Variants in EVI5 observed in about 807,000 individuals in gnomAD.
EVI5 encodes ecotropic viral integration site 5.
In EVI5, 73 loss-of-function variants were observed where a neutral mutation model predicts 112.0. That is an observed-to-expected ratio of 0.65 (90% CI 0.54 to 0.79). EVI5 has a LOEUF of 0.79. Among genes scored for constraint, EVI5 ranks in the 30% least tolerant of loss-of-function variants. The pLI is 0.00. For missense variants in EVI5, 900 were observed against 968.8 expected (o/e 0.93, Z 0.94); for synonymous variants, 305 against 319.9 (o/e 0.95, Z 0.50).
intron 13 of EVI5, among the ~76,000 whole-genome samples, chr1:92,653,183 A>G (rs1662430226): frequency 1.3e-5 from 2 of 152,206 alleles, no homozygotes; most frequent in Non-Finnish European, 2.9e-5. Context: ...AGGGAACCTC[A>G]GCCTTTGTGT....
chr1:92,603,882 A>G (rs1649757504), intron 18 of EVI5, among the ~76,000 whole-genome samples: 1 of 151,912 alleles, frequency 6.6e-6, no homozygotes. Flanking sequence ...CTATAGGTGC[A>G]CCACCAGGTC....
intron 11 of EVI5, among the ~76,000 whole-genome samples, chr1:92,664,402 T>C (rs1401885550): frequency 6.6e-6 from 1 of 151,914 alleles, no homozygotes; most frequent in East Asian, 1.9e-4. Context: ...AACTTAACAC[T>C]TTCTTACAGC....
intron 2 of EVI5, among the ~76,000 whole-genome samples, chr1:92,725,927 A>C (rs1284528324): frequency 1.3e-5 from 2 of 152,194 alleles, no homozygotes; most frequent in Non-Finnish European, 2.9e-5. Context: ...TCTAGCTTCT[A>C]AAGATAAAAC....
intron 1 of EVI5, among the ~76,000 whole-genome samples, chr1:92,781,988 C>T (rs995411824): frequency 3.6e-5 from 5 of 139,128 alleles, no homozygotes; most frequent in Admixed American, 7.5e-5. Flanking sequence ...AGGCCAGGCA[C>T]GGTGGCTCAC....
chr1:92,563,524 A>C (rs1007111827), intron 19 of EVI5, 118 bp downstream of exon 19: 8 of 515,050 alleles, frequency 1.6e-5, no homozygotes, highest in South Asian at 4.1e-5. Context: ...AATTATAACC[A>C]ATAATTCACA....
chr1:92,593,682 G>A lies in EVI5; in HGVS notation c.2070+11625C>T, dbSNP rs531267648. Among the ~76,000 whole-genome samples the A allele has an allele frequency of 4.6e-4, 70 of 152,248 alleles. 1 individual carries two copies. Among genetic ancestry groups the A allele is most frequent in the African/African-American group, 1.5e-3 (64 of 41,526 alleles). Reference sequence around the variant, plus strand: ...ATATCTAGAAAACCCCATCGTCTCAGCCCAAAATCTCCTTAAGCTGATAAG... The same window carrying A: ...ATATCTAGAAAACCCCATCGTCTCAACCCAAAATCTCCTTAAGCTGATAAG... On this transcript the variant is annotated intron_variant, in intron 18 of 19. Transcript: ENST00000684568.
At chr1:92,553,448 G>A (rs1446089639) in intron 19 of EVI5, among the ~76,000 whole-genome samples, 4 of 151,832 alleles carry the variant, frequency 2.6e-5, no homozygotes, top group African/African-American at 4.8e-5. Context: ...GATTACAGGC[G>A]TGCACCACCA....
At chr1:92,779,679 G>T (rs1258970285) in intron 1 of EVI5, among the ~76,000 whole-genome samples, 1 of 152,118 alleles carries the variant, frequency 6.6e-6, no homozygotes, top group Non-Finnish European at 1.5e-5. Flanking sequence ...CAAGAAACAA[G>T]CTGAGGAGTC....
At chr1:92,680,835 T>G (rs1667471552) in intron 9 of EVI5, among the ~76,000 whole-genome samples, 1 of 151,982 alleles carries the variant, frequency 6.6e-6, no homozygotes, top group Admixed American at 6.6e-5. Flanking sequence ...CCAGAAAAAC[T>G]CAGACTTTGA....
intron 19 of EVI5, among the ~76,000 whole-genome samples, chr1:92,550,636 A>G (rs1666642559): frequency 6.8e-6 from 1 of 146,198 alleles, no homozygotes; most frequent in Non-Finnish European, 1.5e-5. Context: ...AGTCCCAGCT[A>G]CTTGGGAGGC....
At chr1:92,762,890 G>C (rs1682086786) in intron 1 of EVI5, among the ~76,000 whole-genome samples, 1 of 152,100 alleles carries the variant, frequency 6.6e-6, no homozygotes, top group African/African-American at 2.4e-5. Flanking sequence ...CCAGGTGATG[G>C]CTACACTAAA....
intron 2 of EVI5, among the ~76,000 whole-genome samples, chr1:92,716,720 C>T (rs1284076843): frequency 1.4e-5 from 2 of 147,668 alleles, no homozygotes; most frequent in Non-Finnish European, 1.5e-5. Flanking sequence ...GCTAAAAACC[C>T]TGAAAAAAGA....
intron 16 of EVI5, among the ~76,000 whole-genome samples, chr1:92,611,360 G>A (rs868602935): frequency 2.6e-5 from 4 of 151,946 alleles, no homozygotes; most frequent in Non-Finnish European, 5.9e-5. Context: ...CCCTATAGTA[G>A]TATACTGAGC....
At chr1:92,650,783 A>T (rs1056951760) in intron 13 of EVI5, among the ~76,000 whole-genome samples, 1 of 152,088 alleles carries the variant, frequency 6.6e-6, no homozygotes, top group African/African-American at 2.4e-5. Flanking sequence ...CTCTAAAAAA[A>T]TTTTAGGTGG....
chr1:92,665,665 T>C (rs544459195), intron 11 of EVI5, among the ~76,000 whole-genome samples: 42 of 152,296 alleles, frequency 2.8e-4, no homozygotes, highest in African/African-American at 1.0e-3. Flanking sequence ...AAGAACATAC[T>C]TTTTAGAAAT....
At chr1:92,649,082 AGGCAC>A (rs1280430341) in intron 13 of EVI5, among the ~76,000 whole-genome samples, 6 of 152,222 alleles carry the variant, frequency 3.9e-5, no homozygotes, top group Non-Finnish European at 7.3e-5. Flanking sequence ...GGATGTGAAG[AGGCAC>A]CTCATCATGG....
chr1:92,671,848 G>A (rs1456437337), intron 10 of EVI5, among the ~76,000 whole-genome samples: 4 of 149,736 alleles, frequency 2.7e-5, no homozygotes, highest in African/African-American at 7.4e-5. Context: ...TGTCACCCAG[G>A]AAGGAATGCA....
chr1:92,728,413 C>G (rs1287733288), intron 2 of EVI5, among the ~76,000 whole-genome samples: 4 of 151,290 alleles, frequency 2.6e-5, no homozygotes, highest in Non-Finnish European at 5.9e-5. Context: ...CAAAGTCTCG[C>G]TCTGTCGCCC....
At chr1:92,562,496 C>A (rs1290273224) in intron 19 of EVI5, among the ~76,000 whole-genome samples, 1 of 152,040 alleles carries the variant, frequency 6.6e-6, no homozygotes, top group East Asian at 1.9e-4. Context: ...CACCACTGCA[C>A]TCCAGCCTGG....
Sources: gnomAD v4.1 joint callset for allele counts (sites outside exome capture counted in the v4.1 genomes callset) on GRCh38, gnomAD v4.1.1 for gene constraint, MANE v1.5 for transcripts, NCBI Gene and HGNC (gene_info 2026-07-23, HGNC 2026-07-21) for gene names.